ART3: variants seen among roughly 807,000 people sequenced by gnomAD.
ART3 encodes the protein ecto-ADP-ribosyltransferase 3.
In ART3, 49 loss-of-function variants were observed where a neutral mutation model predicts 48.5. The ratio of observed to expected loss-of-function variants is 1.01; its 90% CI spans 0.80 to 1.28. The LOEUF is 1.28. Ranked by LOEUF, ART3 falls within the 50% of genes most tolerant of loss-of-function variation. ART3 has a pLI of 0.00. For missense variants in ART3, 438 were observed against 454.3 expected, an observed-to-expected ratio of 0.96 and a Z score of 0.33; for synonymous variants, 145 against 157.2, an observed-to-expected ratio of 0.92 and a Z score of 0.58.
At chr4:76,015,167 T>G (rs144814380) in intron 1 of ART3, among the ~76,000 whole-genome samples, 110 of 152,334 alleles carry the variant, frequency 7.2e-4, no homozygotes, top group African/African-American at 2.6e-3. Flanking sequence ...ATTGCACTTT[T>G]GGTTTGTACC....
chr4:76,013,782 A>G (rs1485252554), intron 1 of ART3, among the ~76,000 whole-genome samples: 1 of 152,208 alleles, frequency 6.6e-6, no homozygotes, highest in East Asian at 1.9e-4. Flanking sequence ...TATCTGTTTC[A>G]CAATCCTCTT....
chr4:76,103,881 TATTAACAGTATAAG>T (rs1727875595), intron 8 of ART3, 42 bp from the exon 9 acceptor site: 1 of 1,491,402 alleles, frequency 6.7e-7, no homozygotes, highest in Non-Finnish European at 9.3e-7. Context: ...AAAAGAAGAG[TATTAACAGTATAAG>T]ATAACTGATT....
At chr4:76,057,057 T>A (rs1718761878) in intron 1 of ART3, among the ~76,000 whole-genome samples, 1 of 152,238 alleles carries the variant, frequency 6.6e-6, no homozygotes, top group Non-Finnish European at 1.5e-5. Context: ...TCAGTTTGTC[T>A]TATCTGATAT....
In ART3 at chr4:76,040,437, T is replaced by TACACACACACACACGCAC. The variant is rs1553926409; in HGVS notation, c.-10+29131_-10+29132insGCACACACACACACACAC. On this transcript the variant is annotated intron_variant, in intron 1 of 9. Transcript: ENST00000341029. ...TGGATGGATACGCACATACACTGGATACACACACACACACACACACACACA... is the reference window on the plus strand; with the variant it reads ...TGGATGGATACGCACATACACTGGATACACACACACACACGCACACACACACACACACACACACACACA... 4.0e-3 allele frequency among the ~76,000 whole-genome samples: 357 copies of TACACACACACACACGCAC among 88,490 alleles called. 11 individuals carry two copies. Among genetic ancestry groups the TACACACACACACACGCAC allele is most frequent in the East Asian group, 0.021 (34 of 1,592 alleles). 58.1% of individuals were successfully genotyped at this position (88,490 alleles called of 152,430 possible).
intron 1 of ART3, among the ~76,000 whole-genome samples, chr4:76,039,787 A>G (rs1734772826): frequency 6.6e-6 from 1 of 152,204 alleles, no homozygotes; most frequent in South Asian, 2.1e-4. Context: ...TTTACATTAT[A>G]CTATTTTAAA....
intron 1 of ART3, among the ~76,000 whole-genome samples, chr4:76,039,019 A>G (rs796266377): frequency 1.3e-5 from 2 of 152,164 alleles, no homozygotes; most frequent in African/African-American, 4.8e-5. Context: ...CACTGTGCCC[A>G]GCCCACATTC....
intron 11 of ART3, 68 bp downstream of exon 11, chr4:76,107,861 T>C: frequency 7.7e-7 from 1 of 1,292,554 alleles, no homozygotes; most frequent in Non-Finnish European, 1.1e-6. Context: ...GTGAGAAATT[T>C]ATTTTTCCTC....
chr4:76,073,432 T>C (rs1010496823), upstream of ART3, among the ~76,000 whole-genome samples: 1 of 152,232 alleles, frequency 6.6e-6, no homozygotes, highest in Non-Finnish European at 1.5e-5. Context: ...CTGTGCTGTG[T>C]ATTTAATCTT....
chr4:76,079,841 G>A (rs796930125), intron 2 of ART3, among the ~76,000 whole-genome samples: 4 of 152,004 alleles, frequency 2.6e-5, no homozygotes, highest in South Asian at 2.1e-4. Flanking sequence ...ATGGAAGCAA[G>A]TTTTGTTTTG....
chr4:76,028,376 TAAGG>T (rs1216085349), intron 1 of ART3, among the ~76,000 whole-genome samples: 5 of 152,204 alleles, frequency 3.3e-5, no homozygotes, highest in East Asian at 1.9e-4. Flanking sequence ...AAATGAAAGT[TAAGG>T]AAGTATCCCG....
In ART3 at chr4:76,097,515, G is replaced by T. The variant is rs549329420; in HGVS notation, c.782-129G>T. 11 of 740,808 alleles carry T rather than the reference G, an allele frequency of 1.5e-5. No homozygotes were observed. The African/African-American group carries it at 1.7e-4, about 12-fold the overall frequency. The allele number at this position is 740,808 out of a possible 1,614,324, so 45.9% of individuals were successfully genotyped here. ...AGCCACCATGCCCAGCCTGCAATTT[G>T]CATCTTACTAATTATGAGTCTGATA... On this transcript the variant is annotated intron_variant, in intron 3 of 11. Transcript: ENST00000355810.
chr4:76,077,394 C>T (rs1216919945), intron 2 of ART3, among the ~76,000 whole-genome samples: 1 of 152,126 alleles, frequency 6.6e-6, no homozygotes, highest in Non-Finnish European at 1.5e-5. Flanking sequence ...CGTACCGCAT[C>T]TTGTTTATCC....
chr4:76,034,513 C>A (rs899972908), intron 1 of ART3: 2 of 518,546 alleles, frequency 3.9e-6, no homozygotes, highest in Non-Finnish European at 3.3e-6. Context: ...TGGTAACCAG[C>A]CTTTCTTAAG....
rs1364015745 is a variant in ART3 at position 76,075,972 on chromosome 4, T to C, written c.69+14T>C. The C allele has an allele frequency of 1.3e-6, 2 of 1,588,068 alleles. No individual in the cohort carries two copies. Among genetic ancestry groups the C allele is most frequent in the African/African-American group, 1.4e-5 (1 of 73,306 alleles). ...GACATTTTCCAGGTAATGTTGGGAA[T>C]GGGAAGCATGTGGTCATTGGAATGG... On this transcript the variant is annotated intron_variant, in intron 2 of 11. Coordinates refer to ENST00000355810, the MANE Select transcript of ART3 (RefSeq NM_001130016.3).
At chr4:76,093,655 C>T (rs1447013015) in intron 3 of ART3, among the ~76,000 whole-genome samples, 1 of 152,190 alleles carries the variant, frequency 6.6e-6, no homozygotes, top group African/African-American at 2.4e-5. Flanking sequence ...AACATATTCA[C>T]AGGTTCTGGG....
chr4:76,105,681 T>G (rs74503606), intron 10 of ART3: 64 of 1,046,476 alleles, frequency 6.1e-5, no homozygotes, highest in Non-Finnish European at 7.0e-5. Flanking sequence ...GATATCCCAG[T>G]CTGCAAGCCA....
intron 3 of ART3, among the ~76,000 whole-genome samples, chr4:76,088,229 A>G (rs1382815007): frequency 1.4e-5 from 2 of 143,448 alleles, no homozygotes; most frequent in Non-Finnish European, 3.0e-5. Flanking sequence ...AGTAGAGCAC[A>G]TATCATCCCC....
Position 76,082,405 on chromosome 4 carries a change from A to G in ART3, c.651A>G (p.Lys217=). The change falls in exon 3 of 12, where the codon AAA becomes AAG. Residue 217 remains lysine (K), a synonymous_variant. Coordinates refer to ENST00000355810, the MANE Select transcript of ART3 (RefSeq NM_001130016.3). The part of the protein sequence containing the change: ...LGVDIENFLD[K]ESERITLIPL... ...TTGACATTGAAAATTTTCTTGATAA[A>G]GAAAGTGAAAGAATTACTTTAATAC... 1.2e-6 allele frequency: 2 copies of G among 1,614,112 alleles called. No homozygotes were observed. Among genetic ancestry groups the G allele is most frequent in the Non-Finnish European group, 1.7e-6 (2 of 1,180,040 alleles).
chr4:76,014,662 A>G (rs973488212), intron 1 of ART3, among the ~76,000 whole-genome samples: 2 of 152,178 alleles, frequency 1.3e-5, no homozygotes, highest in Admixed American at 1.3e-4. Context: ...AACTAACGAA[A>G]TCCAATGAAA....
Sources: gnomAD v4.1 joint callset for allele counts (sites outside exome capture counted in the v4.1 genomes callset) on GRCh38, gnomAD v4.1.1 for gene constraint, MANE v1.5 for transcripts, NCBI Gene and HGNC (gene_info 2026-07-23, HGNC 2026-07-21) for gene names.